Variants in NPIPB2 observed in about 807,000 individuals in gnomAD.
The protein encoded by NPIPB2 is nuclear pore complex interacting protein family member B2, also known as nuclear pore complex-interacting protein family member B2.
Under a neutral mutation model 30.8 loss-of-function variants are expected in NPIPB2, and 27 were observed. The observed-to-expected ratio is 0.88, with a 90% CI of 0.65 to 1.21. The LOEUF (loss-of-function observed/expected upper bound fraction) is 1.21, where lower values mean the gene tolerates loss of function less well. Ranked by LOEUF, NPIPB2 falls within the 50% of genes most tolerant of loss-of-function variation. NPIPB2 has a pLI of 0.00. For synonymous variants in NPIPB2, 147 were observed against 162.0 expected, an observed-to-expected ratio of 0.91 and a Z score of 0.70; for missense variants, 440 against 446.2, an observed-to-expected ratio of 0.99 and a Z score of 0.13.
upstream of NPIPB2, among the ~76,000 whole-genome samples, chr16:11,943,997 C>CA (rs398070768): frequency 1.8e-3 from 93 of 50,350 alleles, 3 homozygotes; most frequent in African/African-American, 6.7e-3. Flanking sequence ...GACTCTGTCT[C>CA]AAAAAAAAAA....
exon 8 of NPIPB2, chr16:11,927,588 T>C: frequency 6.2e-7 from 1 of 1,605,190 alleles, no homozygotes. Context: ...GCCTCCTGAG[T>C]AGCTAAGGGA....
intron 1 of NPIPB2, chr16:11,965,358 G>A (rs1013020007): frequency 6.2e-7 from 1 of 1,614,036 alleles, no homozygotes; most frequent in Admixed American, 1.7e-5. Flanking sequence ...CTCCCAAAAT[G>A]AATATTTTGA....
intron 1 of NPIPB2, chr16:11,966,252 G>C: frequency 6.2e-7 from 1 of 1,614,072 alleles, no homozygotes; most frequent in South Asian, 1.1e-5. Context: ...TTGGGACTGA[G>C]CTTAATAATT....
At chr16:11,948,223 G>A (rs2055030792) in intron 1 of NPIPB2, among the ~76,000 whole-genome samples, 1 of 151,810 alleles carries the variant, frequency 6.6e-6, no homozygotes, top group East Asian at 1.9e-4. Context: ...AGGTGAACTG[G>A]GAAGGGTTGG....
At chr16:11,969,319 G>A (rs1327905595) in intron 1 of NPIPB2, among the ~76,000 whole-genome samples, 1 of 151,808 alleles carries the variant, frequency 6.6e-6, no homozygotes, top group African/African-American at 2.4e-5. Flanking sequence ...GTGCAGTGGT[G>A]CGATCTCAGC....
intron 1 of NPIPB2, chr16:11,967,623 G>T: frequency 6.2e-7 from 1 of 1,614,222 alleles, no homozygotes; most frequent in Non-Finnish European, 8.5e-7. Context: ...CAGGACTGGT[G>T]ATGAAATTAT....
chr16:11,962,300 A>G (rs2055158552), intron 1 of NPIPB2, among the ~76,000 whole-genome samples: 1 of 151,236 alleles, frequency 6.6e-6, no homozygotes, highest in Non-Finnish European at 1.5e-5. Context: ...GGGGATTGAG[A>G]CCATTCTGCC....
At chr16:11,949,002 G>C (rs1272576224) in intron 1 of NPIPB2, among the ~76,000 whole-genome samples, 1 of 151,778 alleles carries the variant, frequency 6.6e-6, no homozygotes, top group Non-Finnish European at 1.5e-5. Flanking sequence ...GCTGGGTGTG[G>C]TGCCTGCCGC....
chr16:11,959,350 A>G (rs2055137524), intron 1 of NPIPB2, among the ~76,000 whole-genome samples: 1 of 152,146 alleles, frequency 6.6e-6, no homozygotes, highest in African/African-American at 2.4e-5. Flanking sequence ...GGGAGGCTGA[A>G]GTGGGAGAAT....
intron 1 of NPIPB2, chr16:11,966,079 C>G (rs772681605): frequency 6.3e-6 from 7 of 1,119,434 alleles, no homozygotes; most frequent in African/African-American, 1.6e-5. Context: ...CCACTGCACT[C>G]TAGCCTGGGC....
intron 2 of NPIPB2, 80 bp downstream of exon 2, chr16:11,937,460 C>T: frequency 1.2e-6 from 1 of 832,162 alleles, no homozygotes; most frequent in South Asian, 1.8e-5. Flanking sequence ...ATAATGAAGT[C>T]CAGAAATGTG....
chr16:11,958,324 A>C (rs576114788), intron 1 of NPIPB2, among the ~76,000 whole-genome samples: 35 of 151,912 alleles, frequency 2.3e-4, no homozygotes, highest in African/African-American at 8.2e-4. Context: ...CTACTCAGGA[A>C]GGCTGAGGCA....
chr16:11,942,886 G>C (rs1009634143), upstream of NPIPB2, among the ~76,000 whole-genome samples: 18 of 152,222 alleles, frequency 1.2e-4, no homozygotes, highest in African/African-American at 4.3e-4. Context: ...TCTGGCAGCT[G>C]AAAACCACTG....
chr16:11,964,379 C>T (rs10451099), intron 1 of NPIPB2, among the ~76,000 whole-genome samples: 23 of 151,934 alleles, frequency 1.5e-4, no homozygotes, highest in African/African-American at 4.8e-4. Context: ...TGGCATTGTG[C>T]GTCTTCCTTA....
chr16:11,942,457 T>G (rs2054953684), upstream of NPIPB2, among the ~76,000 whole-genome samples: 1 of 149,866 alleles, frequency 6.7e-6, no homozygotes, highest in African/African-American at 2.4e-5. Flanking sequence ...CAAGGTTGCA[T>G]GATCTCAAAT....
At chr16:11,976,231 T>G (rs942937100) in intron 1 of NPIPB2, among the ~76,000 whole-genome samples, 2 of 152,102 alleles carry the variant, frequency 1.3e-5, no homozygotes, top group African/African-American at 4.8e-5. Flanking sequence ...ACCAGGCCTA[T>G]TTTCTCACTC....
chr16:11,970,394 C>T (rs8062121), intron 1 of NPIPB2, among the ~76,000 whole-genome samples: 1 of 151,674 alleles, frequency 6.6e-6, no homozygotes, highest in African/African-American at 2.4e-5. Context: ...GGTATTTTTA[C>T]TACAGATGGG....
chr16:11,935,867 TCATG>T (rs1288306278), intron 2 of NPIPB2, among the ~76,000 whole-genome samples: 1 of 45,088 alleles, frequency 2.2e-5, no homozygotes, highest in Non-Finnish European at 5.2e-5. Context: ...CATGAATGCT[TCATG>T]GCACCCATGA....
chr16:11,970,878 A>G (rs2055231653), intron 1 of NPIPB2, among the ~76,000 whole-genome samples: 1 of 137,924 alleles, frequency 7.3e-6, no homozygotes. Flanking sequence ...TTTTTGAGAT[A>G]GGGTCTTACT....
Sources: gnomAD v4.1 joint callset for allele counts (sites outside exome capture counted in the v4.1 genomes callset) on GRCh38, gnomAD v4.1.1 for gene constraint, MANE v1.5 for transcripts, NCBI Gene and HGNC (gene_info 2026-07-23, HGNC 2026-07-21) for gene names.